Variants in MYO1E observed in about 807,000 individuals in gnomAD.
MYO1E encodes the protein unconventional myosin-Ie.
MYO1E carries 68 observed loss-of-function variants against 151.1 expected under a neutral mutation model. That is an observed-to-expected ratio of 0.45 (90% CI 0.37 to 0.55). The LOEUF is 0.55. Ranked by LOEUF, MYO1E falls within the 20% of genes least tolerant of loss-of-function variation. The pLI, the probability that MYO1E is intolerant of heterozygous loss-of-function variation, is 0.00. For synonymous variants in MYO1E, 601 were observed against 501.7 expected, an observed-to-expected ratio of 1.20 and a Z score of -2.64; for missense variants, 1,363 against 1,389.3, an observed-to-expected ratio of 0.98 and a Z score of 0.30.
chr15:59,176,313 GC>G (rs1566971076), intron 19 of MYO1E, among the ~76,000 whole-genome samples: 1 of 152,126 alleles, frequency 6.6e-6, no homozygotes, highest in Non-Finnish European at 1.5e-5. Flanking sequence ...GCCGGCCTCA[GC>G]CCCCCAAAGT....
chr15:59,341,004 G>A (rs1439839532), intron 1 of MYO1E, among the ~76,000 whole-genome samples: 69 of 121,660 alleles, frequency 5.7e-4, no homozygotes, highest in African/African-American at 2.1e-3. Flanking sequence ...GGGACAGAGC[G>A]AGACTCCATC....
intron 1 of MYO1E, chr15:59,359,676 C>T (rs753617692): frequency 2.6e-5 from 4 of 152,172 alleles, no homozygotes; most frequent in Non-Finnish European, 4.4e-5. Context: ...ATAGCCATTA[C>T]CATGATACAT....
chr15:59,278,790 G>C (rs1003084389), intron 1 of MYO1E, among the ~76,000 whole-genome samples: 29 of 152,098 alleles, frequency 1.9e-4, no homozygotes, highest in African/African-American at 6.8e-4. Flanking sequence ...TAGATAATTG[G>C]AACATTTACT....
At chr15:59,354,851 G>C (rs2080844941) in intron 1 of MYO1E, among the ~76,000 whole-genome samples, 1 of 152,134 alleles carries the variant, frequency 6.6e-6, no homozygotes, top group Non-Finnish European at 1.5e-5. Context: ...CAGCCTACCA[G>C]CTTCCCTCCA....
chr15:59,148,112 GAA>G (rs2079452989), intron 26 of MYO1E, among the ~76,000 whole-genome samples: 1 of 152,284 alleles, frequency 6.6e-6, no homozygotes, highest in African/African-American at 2.4e-5. Context: ...TAACCTTCAA[GAA>G]AACCCTGAGG....
intron 1 of MYO1E, among the ~76,000 whole-genome samples, chr15:59,308,421 C>T (rs1278499237): frequency 1.3e-5 from 2 of 151,900 alleles, no homozygotes; most frequent in East Asian, 3.9e-4. Context: ...CCTGTAATCC[C>T]AGCACTTTGG....
At chr15:59,246,258 C>A (rs552776331) in intron 4 of MYO1E, among the ~76,000 whole-genome samples, 1 of 152,162 alleles carries the variant, frequency 6.6e-6, no homozygotes, top group African/African-American at 2.4e-5. Context: ...GCTGGGATTA[C>A]AGGTGCCTGC....
chr15:59,155,092 G>A (rs1434856093), intron 25 of MYO1E, among the ~76,000 whole-genome samples: 1 of 152,086 alleles, frequency 6.6e-6, no homozygotes, highest in Non-Finnish European at 1.5e-5. Flanking sequence ...TGCTGCCTAG[G>A]GTCCCAACAA....
At chr15:59,276,317 T>TC (rs2080318719) in intron 1 of MYO1E, among the ~76,000 whole-genome samples, 1 of 151,958 alleles carries the variant, frequency 6.6e-6, no homozygotes, top group African/African-American at 2.4e-5. Flanking sequence ...TCCCTTTTGC[T>TC]CCCCCCACTA....
At chr15:59,283,681 C>G (rs765633916) in intron 1 of MYO1E, among the ~76,000 whole-genome samples, 1 of 152,190 alleles carries the variant, frequency 6.6e-6, no homozygotes, top group Non-Finnish European at 1.5e-5. Flanking sequence ...TTATCTAATC[C>G]TTACAACTTC....
chr15:59,224,674 TGC>T lies in MYO1E; in HGVS notation c.777+13_777+14del. On this transcript the variant is annotated intron_variant, in intron 8 of 27. Transcript: ENST00000288235. ...TGGGAGAGCAGATCCTGCCTGGCCCTGCGCCAGCACTTACCAGAGTTTCCTGA... is the reference window on the plus strand; with the variant it reads ...TGGGAGAGCAGATCCTGCCTGGCCCTGCCAGCACTTACCAGAGTTTCCTGA... 6.2e-7 allele frequency: 1 copy of T among 1,613,428 alleles called. No individual in the cohort carries two copies. Among genetic ancestry groups the T allele is most frequent in the Non-Finnish European group, 8.5e-7 (1 of 1,179,352 alleles).
intron 12 of MYO1E, among the ~76,000 whole-genome samples, chr15:59,210,885 C>CAA (rs113888733): frequency 1.3e-5 from 2 of 151,846 alleles, no homozygotes; most frequent in African/African-American, 2.4e-5. Context: ...AATCCAGTTA[C>CAA]AAAAAAATCA....
chr15:59,295,733 C>T (rs1596404721), intron 1 of MYO1E, among the ~76,000 whole-genome samples: 1 of 151,946 alleles, frequency 6.6e-6, no homozygotes, highest in Admixed American at 6.6e-5. Flanking sequence ...GGTGTTACAG[C>T]GTGGAAAGGC....
At chr15:59,179,535 A>G (rs1450408014) in intron 18 of MYO1E, among the ~76,000 whole-genome samples, 1 of 152,256 alleles carries the variant, frequency 6.6e-6, no homozygotes, top group East Asian at 1.9e-4. Context: ...CTGTGATTGA[A>G]GCTTTTGATG....
At chr15:59,255,757 T>A (rs4482215) in intron 4 of MYO1E, among the ~76,000 whole-genome samples, 120,966 of 152,126 alleles carry the variant, frequency 0.8, 48,798 homozygotes, top group Non-Finnish European at 0.84. Context: ...CGAATTTGCT[T>A]TGGGCCACAC....
rs78638075 is a variant in MYO1E, at chr15:59,194,250, C to A, written c.1805+1211G>T. ...AGAACATAGTGGCCTGAAAAGATGG[C>A]AGCTCTTACATCCAAGCAGCCTGGC... On this transcript the variant is annotated intron_variant, in intron 17 of 27. Transcript: ENST00000288235. Among the ~76,000 whole-genome samples the A allele has an allele frequency of 2.9e-3, 441 of 152,110 alleles. 18 individuals carry two copies. The East Asian group carries it at 0.079, about 27-fold the overall frequency.
chr15:59,153,851 C>A, intron 25 of MYO1E, 60 bp from the exon 26 acceptor site: 1 of 1,490,376 alleles, frequency 6.7e-7, no homozygotes, highest in Non-Finnish European at 9.4e-7. Context: ...TGCCAAAAGT[C>A]TCTCCACATT....
intron 12 of MYO1E, among the ~76,000 whole-genome samples, chr15:59,213,413 T>C (rs2140342177): frequency 6.6e-6 from 1 of 152,116 alleles, no homozygotes; most frequent in South Asian, 2.1e-4. Flanking sequence ...TCAAGTGATC[T>C]GCCCGTCTCG....
Position 59,294,717 on chromosome 15 carries a change from C to G in MYO1E, c.4-22268G>C, listed in dbSNP as rs1285079063. On this transcript the variant is annotated intron_variant, in intron 1 of 27. Transcript: ENST00000288235. ...TTCTCTTGCCCTCAGGGGAGCTCCTCCCTACCAGTCAGTGAGGTTCAAATT... is the reference window on the plus strand; with the variant it reads ...TTCTCTTGCCCTCAGGGGAGCTCCTGCCTACCAGTCAGTGAGGTTCAAATT... 2.0e-5 allele frequency among the ~76,000 whole-genome samples: 3 copies of G among 152,292 alleles called. No homozygotes were observed. The East Asian group carries it at 5.8e-4, about 29-fold the overall frequency.
Sources: allele counts gnomAD v4.1 joint callset (sites outside exome capture counted in the v4.1 genomes callset), GRCh38; gene constraint gnomAD v4.1.1; transcripts MANE v1.5; gene names NCBI Gene and HGNC (gene_info 2026-07-23, HGNC 2026-07-21).